Variants in PUM1 observed in about 807,000 individuals in gnomAD.
PUM1 encodes pumilio RNA binding family member 1.
In PUM1, 13 loss-of-function variants were observed where a neutral mutation model predicts 131.8. That is an observed-to-expected ratio of 0.10 (90% confidence interval 0.06 to 0.16). The LOEUF (loss-of-function observed/expected upper bound fraction) is 0.16. Ranked by LOEUF, PUM1 falls within the 10% of genes least tolerant of loss-of-function variation. The probability of loss-of-function intolerance (pLI) is 1.00; values close to 1 mark genes in which losing one functional copy is unlikely to be tolerated. For missense variants in PUM1, 961 were observed against 1,512.4 expected, an observed-to-expected ratio of 0.64 and a Z score of 6.05; for synonymous variants, 509 against 556.5, an observed-to-expected ratio of 0.91 and a Z score of 1.20.
intron 5 of PUM1, among the ~76,000 whole-genome samples, chr1:31,001,685 A>G (rs1642220699): frequency 1.3e-5 from 2 of 152,330 alleles, no homozygotes; most frequent in African/African-American, 2.4e-5. Context: ...TGTCTTTTTA[A>G]AAAAATACTT....
intron 7 of PUM1, 26 bp downstream of exon 7, chr1:30,992,364 G>C: frequency 1.9e-6 from 3 of 1,603,710 alleles, no homozygotes; most frequent in Non-Finnish European, 2.6e-6. Context: ...GGAGAGTAGA[G>C]AGGGTGACAG....
intron 14 of PUM1, among the ~76,000 whole-genome samples, chr1:30,963,036 T>C (rs1047196024): frequency 1.3e-5 from 2 of 152,228 alleles, no homozygotes; most frequent in African/African-American, 4.8e-5. Flanking sequence ...ACACTGAAAC[T>C]GCATGCTTTG....
chr1:30,959,320 G>C (rs1044118818), intron 14 of PUM1, among the ~76,000 whole-genome samples: 1 of 152,060 alleles, frequency 6.6e-6, no homozygotes, highest in African/African-American at 2.4e-5. Flanking sequence ...CACCTCACGA[G>C]AAAGAAAAAC....
chr1:30,963,991 T>C (rs991807129), intron 14 of PUM1, among the ~76,000 whole-genome samples: 3 of 152,116 alleles, frequency 2.0e-5, no homozygotes, highest in Non-Finnish European at 2.9e-5. Context: ...ATTTAGAGAT[T>C]TGCCACCAAA....
chr1:31,033,815 T>C (rs190878081), intron 2 of PUM1, among the ~76,000 whole-genome samples: 1 of 152,252 alleles, frequency 6.6e-6, no homozygotes, highest in East Asian at 1.9e-4. Context: ...GCTAATTGTT[T>C]TTAATTTTTT....
chr1:30,983,486 T>C (rs1388408701), intron 7 of PUM1, among the ~76,000 whole-genome samples: 1 of 152,186 alleles, frequency 6.6e-6, no homozygotes, highest in Admixed American at 6.5e-5. Flanking sequence ...TGCTGTGACA[T>C]GGAACTGGGG....
chr1:31,065,570 A>C, intron 1 of PUM1, 46 bp downstream of exon 1: 1 of 1,531,068 alleles, frequency 6.5e-7, no homozygotes, highest in Middle Eastern at 1.7e-4. Flanking sequence ...TCTGCTCGTT[A>C]GGGGTCCGGA....
intron 2 of PUM1, among the ~76,000 whole-genome samples, chr1:31,045,583 A>G (rs1643937429): frequency 6.6e-6 from 1 of 152,160 alleles, no homozygotes; most frequent in Non-Finnish European, 1.5e-5. Flanking sequence ...CCATCTGTAC[A>G]AGATGATAAT....
chr1:31,001,822 C>CATT (rs1248652007), intron 5 of PUM1, among the ~76,000 whole-genome samples: 2 of 152,182 alleles, frequency 1.3e-5, no homozygotes, highest in Non-Finnish European at 2.9e-5. Flanking sequence ...AGGCTCTAAT[C>CATT]ATTAGACTCT....
chr1:30,964,658 G>C lies in PUM1; in HGVS notation c.2323+16C>G, dbSNP rs372535339. ...AGTTCTAGAGTTCAAGGTGGTGTTA[G>C]AGTAATGGTTCTTACCCAGGTTTAA... On this transcript the variant is annotated intron_variant, in intron 14 of 21. Transcript: ENST00000426105. 3.7e-5 allele frequency: 58 copies of C among 1,584,304 alleles called. No individual in the cohort carries two copies. In the African/African-American group the frequency reaches 7.0e-4, roughly 19 times the overall value.
At chr1:31,015,241 T>C (rs559864381) in intron 3 of PUM1, among the ~76,000 whole-genome samples, 4 of 152,342 alleles carry the variant, frequency 2.6e-5, no homozygotes, top group Admixed American at 2.6e-4. Flanking sequence ...ACTAATTCTC[T>C]AATAAATAAA....
At chr1:30,998,271 C>T (rs755598477) in intron 5 of PUM1, among the ~76,000 whole-genome samples, 1 of 152,124 alleles carries the variant, frequency 6.6e-6, no homozygotes, top group Non-Finnish European at 1.5e-5. Flanking sequence ...TAAAAATGGC[C>T]AGCAGAAGTC....
intron 14 of PUM1, among the ~76,000 whole-genome samples, chr1:30,960,564 T>C (rs1270823252): frequency 6.6e-6 from 1 of 152,130 alleles, no homozygotes; most frequent in Non-Finnish European, 1.5e-5. Flanking sequence ...GTATATAAGA[T>C]CAATATACAA....
At chr1:30,958,637 G>A (rs1266708443) in intron 14 of PUM1, among the ~76,000 whole-genome samples, 1 of 152,042 alleles carries the variant, frequency 6.6e-6, no homozygotes, top group Non-Finnish European at 1.5e-5. Context: ...CAGTCTTTGG[G>A]GACACTCATA....
intron 21 of PUM1, 87 bp from the exon 22 acceptor site, chr1:30,933,429 C>CACACACACAG: frequency 2.9e-6 from 3 of 1,024,702 alleles, no homozygotes; most frequent in Non-Finnish European, 2.9e-6. Flanking sequence ...TGTCATGCAT[C>CACACACACAG]ACACACACAT....
chr1:31,011,864 A>G (rs1049341542), intron 3 of PUM1, among the ~76,000 whole-genome samples: 1 of 152,226 alleles, frequency 6.6e-6, no homozygotes, highest in Non-Finnish European at 1.5e-5. Flanking sequence ...CTTAGCAGTA[A>G]GAGGATTAAA....
chr1:30,976,025 T>G (rs1353692870), intron 9 of PUM1, among the ~76,000 whole-genome samples: 1 of 150,494 alleles, frequency 6.6e-6, no homozygotes, highest in Non-Finnish European at 1.5e-5. Context: ...GAGGCAGAGG[T>G]TACAGTGAGC....
chr1:30,983,656 A>C (rs1641438106), intron 7 of PUM1, among the ~76,000 whole-genome samples: 1 of 152,002 alleles, frequency 6.6e-6, no homozygotes, highest in African/African-American at 2.4e-5. Flanking sequence ...CCAGGCTTAA[A>C]TGCAGTGACG....
chr1:31,055,967 T>C (rs914702387), intron 2 of PUM1, among the ~76,000 whole-genome samples: 1 of 152,214 alleles, frequency 6.6e-6, no homozygotes, highest in Non-Finnish European at 1.5e-5. Flanking sequence ...CCAATGTTTA[T>C]GATTTTTGAA....
Sources: gnomAD v4.1 joint callset for allele counts (sites outside exome capture counted in the v4.1 genomes callset) on GRCh38, gnomAD v4.1.1 for gene constraint, MANE v1.5 for transcripts, NCBI Gene and HGNC (gene_info 2026-07-23, HGNC 2026-07-21) for gene names.